Variants in CACNA1D observed in about 807,000 individuals in gnomAD.
CACNA1D encodes the protein calcium voltage-gated channel subunit alpha1 D.
CACNA1D carries 55 observed loss-of-function variants against 257.1 expected under a neutral mutation model. The observed-to-expected ratio is 0.21, with a 90% CI of 0.17 to 0.27. The LOEUF is 0.27. CACNA1D is among the 10% of genes least tolerant of loss of function. CACNA1D has a pLI of 1.00. For synonymous variants in CACNA1D, 980 were observed against 1,014.9 expected (o/e 0.97, Z 0.65); for missense variants, 1,876 against 2,784.0 (o/e 0.67, Z 7.34).
intron 25 of CACNA1D, among the ~76,000 whole-genome samples, chr3:53,746,903 T>C (rs996727716): frequency 3.3e-5 from 5 of 152,200 alleles, no homozygotes; most frequent in African/African-American, 1.2e-4. Context: ...AAAACTAAAA[T>C]GCAGGAAGAG....
intron 8 of CACNA1D, among the ~76,000 whole-genome samples, chr3:53,678,638 G>A (rs1210219265): frequency 3.3e-5 from 5 of 152,248 alleles, no homozygotes; most frequent in South Asian, 2.1e-4. Context: ...GATACCAGGG[G>A]CCTAGACAAA....
chr3:53,698,504 A>G (rs1476166621), intron 8 of CACNA1D, among the ~76,000 whole-genome samples: 2 of 152,258 alleles, frequency 1.3e-5, no homozygotes, highest in African/African-American at 2.4e-5. Context: ...CAGTCTGGTT[A>G]TGGTATTCAT....
At chr3:53,754,674 TG>T (rs1349308354) in intron 29 of CACNA1D, among the ~76,000 whole-genome samples, 2 of 152,166 alleles carry the variant, frequency 1.3e-5, no homozygotes, top group African/African-American at 4.8e-5. Context: ...CAAGCTGAAA[TG>T]TGGGATATTT....
At chr3:53,497,040 T>C (rs2090380674) in intron 1 of CACNA1D, 112 bp from the exon 2 acceptor site, 3 of 819,690 alleles carry the variant, frequency 3.7e-6, no homozygotes, top group African/African-American at 1.7e-5. Context: ...AATGGAAACA[T>C]AGGAGTGAAT....
intron 3 of CACNA1D, among the ~76,000 whole-genome samples, chr3:53,582,558 A>C (rs973635104): frequency 6.6e-6 from 1 of 152,070 alleles, no homozygotes; most frequent in Admixed American, 6.6e-5. Flanking sequence ...TGCAGGAGAA[A>C]GCATTCCTGG....
At chr3:53,528,630 A>G (rs2091847004) in intron 3 of CACNA1D, among the ~76,000 whole-genome samples, 1 of 152,212 alleles carries the variant, frequency 6.6e-6, no homozygotes. Flanking sequence ...GGGGAGAAGG[A>G]TAGCTTAAGA....
chr3:53,550,988 G>A (rs1575835076), intron 3 of CACNA1D, among the ~76,000 whole-genome samples: 2 of 152,184 alleles, frequency 1.3e-5, no homozygotes, highest in East Asian at 3.8e-4. Context: ...AAGACAAAGT[G>A]ATTAAGGCCT....
At chr3:53,682,143 C>G (rs1297897480) in intron 8 of CACNA1D, among the ~76,000 whole-genome samples, 2 of 151,910 alleles carry the variant, frequency 1.3e-5, no homozygotes. Flanking sequence ...AAAAATTATG[C>G]TGTATTCTCA....
At chr3:53,662,387 A>T (rs564240448) in intron 5 of CACNA1D, among the ~76,000 whole-genome samples, 60 of 152,248 alleles carry the variant, frequency 3.9e-4, no homozygotes, top group African/African-American at 1.4e-3. Flanking sequence ...TTCTCTCCAC[A>T]GCCCCGCGAC....
At chr3:53,669,494 C>A (rs1375433552) in intron 7 of CACNA1D, among the ~76,000 whole-genome samples, 2 of 152,236 alleles carry the variant, frequency 1.3e-5, no homozygotes, top group African/African-American at 4.8e-5. Context: ...TTTCTGAATC[C>A]TTTAGGCACT....
At chr3:53,798,927 A>G (rs1221731076) in intron 40 of CACNA1D, among the ~76,000 whole-genome samples, 3 of 152,314 alleles carry the variant, frequency 2.0e-5, no homozygotes, top group East Asian at 3.9e-4. Context: ...CATCATGCCT[A>G]TCTGTCCTTG....
chr3:53,548,894 C>T (rs752129417), intron 3 of CACNA1D, among the ~76,000 whole-genome samples: 7 of 152,120 alleles, frequency 4.6e-5, no homozygotes, highest in Non-Finnish European at 8.8e-5. Context: ...CACATATTCT[C>T]CTTGCCTGGA....
At chr3:53,683,269 A>G (rs1469770115) in intron 8 of CACNA1D, among the ~76,000 whole-genome samples, 2 of 152,284 alleles carry the variant, frequency 1.3e-5, no homozygotes, top group Admixed American at 6.5e-5. Context: ...TGGGAGGTAT[A>G]TGGTTCTGCT....
intron 11 of CACNA1D, among the ~76,000 whole-genome samples, chr3:53,720,256 A>C (rs1233506682): frequency 6.6e-6 from 1 of 152,240 alleles, no homozygotes; most frequent in Non-Finnish European, 1.5e-5. Flanking sequence ...ACTATATATA[A>C]ACACTAACTT....
intron 14 of CACNA1D, among the ~76,000 whole-genome samples, chr3:53,724,972 T>A (rs1035250608): frequency 6.1e-5 from 9 of 146,956 alleles, no homozygotes; most frequent in Non-Finnish European, 8.9e-5. Context: ...GATTCTTTTT[T>A]AAAAAAAAAT....
intron 3 of CACNA1D, among the ~76,000 whole-genome samples, chr3:53,535,223 T>A (rs1218890277): frequency 6.6e-6 from 1 of 152,094 alleles, no homozygotes; most frequent in Non-Finnish European, 1.5e-5. Context: ...GCCTGGGCAC[T>A]CTCCCCTGAG....
chr3:53,562,220 T>C (rs570849423), intron 3 of CACNA1D, among the ~76,000 whole-genome samples: 1 of 152,282 alleles, frequency 6.6e-6, no homozygotes, highest in South Asian at 2.1e-4. Context: ...TGTTGGAATT[T>C]AGTGTGTGGG....
intron 3 of CACNA1D, among the ~76,000 whole-genome samples, chr3:53,583,337 A>G (rs2093162780): frequency 6.6e-6 from 1 of 151,880 alleles, no homozygotes; most frequent in Admixed American, 6.6e-5. Context: ...CCTCCTTATT[A>G]AGCACAGGGA....
chr3:53,734,161 G>T (rs182489225), intron 19 of CACNA1D, among the ~76,000 whole-genome samples: 6 of 151,102 alleles, frequency 4.0e-5, no homozygotes, highest in Admixed American at 4.0e-4. Context: ...CCTCAGGGGG[G>T]TACGCCCAGC....
Sources: allele counts gnomAD v4.1 joint callset (sites outside exome capture counted in the v4.1 genomes callset), GRCh38; gene constraint gnomAD v4.1.1; transcripts MANE v1.5; gene names NCBI Gene and HGNC (gene_info 2026-07-23, HGNC 2026-07-21).